DMD: variants seen among roughly 807,000 people sequenced by gnomAD.
DMD encodes the protein mutant dystrophin.
In DMD, 63 loss-of-function variants were observed where a neutral mutation model predicts 330.1. The observed-to-expected ratio is 0.19, with a 90% CI of 0.16 to 0.24. The LOEUF (loss-of-function observed/expected upper bound fraction) is 0.24, where lower values mean the gene tolerates loss of function less well. DMD is among the 10% of genes least tolerant of loss of function. The pLI, the probability that DMD is intolerant of heterozygous loss-of-function variation, is 1.00. For synonymous variants in DMD, 1,223 were observed against 959.8 expected, an observed-to-expected ratio of 1.27 and a Z score of -5.07; for missense variants, 3,344 against 2,684.1, an observed-to-expected ratio of 1.25 and a Z score of -5.43.
intron 16 of DMD, among the ~76,000 whole-genome samples, chrX:32,561,686 T>C (rs747651747): frequency 1.8e-5 from 2 of 110,999 alleles, no homozygotes; most frequent in East Asian, 2.9e-4. Flanking sequence ...AGCCCAACAT[T>C]CAAATTCAGG....
At chrX:32,578,570 G>A (rs1302117630) in intron 13 of DMD, among the ~76,000 whole-genome samples, 1 of 111,790 alleles carries the variant, frequency 8.9e-6, no homozygotes, top group Admixed American at 9.5e-5. Flanking sequence ...CCTTTGTTTG[G>A]TTGAGTTGCT....
chrX:32,696,544 A>G (rs1356005052), intron 9 of DMD, among the ~76,000 whole-genome samples: 1 of 112,207 alleles, frequency 8.9e-6, no homozygotes, highest in Non-Finnish European at 1.9e-5. Flanking sequence ...GCCTAGCAAG[A>G]TGTAAGTCCA....
intron 71 of DMD, among the ~76,000 whole-genome samples, chrX:31,176,557 CT>C (rs1346219110): frequency 9.0e-6 from 1 of 111,463 alleles, no homozygotes; most frequent in Non-Finnish European, 1.9e-5. Context: ...CTCGGTTAAA[CT>C]TATTTCCACA....
intron 42 of DMD, among the ~76,000 whole-genome samples, chrX:32,304,631 T>C (rs1341609115): frequency 4.5e-5 from 5 of 111,389 alleles, no homozygotes; most frequent in Non-Finnish European, 9.5e-5. Context: ...TAAGCATGAT[T>C]TAAACTACAG....
chrX:32,522,614 C>G (rs2046553783), intron 17 of DMD, among the ~76,000 whole-genome samples: 1 of 112,153 alleles, frequency 8.9e-6, no homozygotes, highest in Non-Finnish European at 1.9e-5. Context: ...GAATAAAGAA[C>G]AAAATTTCAA....
intron 57 of DMD, among the ~76,000 whole-genome samples, chrX:31,491,842 A>G (rs993453335): frequency 7.1e-5 from 8 of 112,472 alleles, no homozygotes; most frequent in African/African-American, 2.6e-4. Flanking sequence ...TTTTGCTACA[A>G]AATATTATCA....
intron 64 of DMD, among the ~76,000 whole-genome samples, chrX:31,219,273 C>G (rs191161984): frequency 2.2e-3 from 247 of 110,994 alleles, no homozygotes; most frequent in African/African-American, 7.9e-3. Context: ...CAGCTGTTCC[C>G]TCCCTACCCC....
chrX:33,165,010 T>C (rs1284519126), intron 1 of DMD, among the ~76,000 whole-genome samples: 1 of 109,962 alleles, frequency 9.1e-6, no homozygotes, highest in Non-Finnish European at 1.9e-5. Flanking sequence ...TATTAGGACA[T>C]TTCTAGAAGT....
At chrX:32,791,839 T>A in intron 7 of DMD, among the ~76,000 whole-genome samples, 1 of 111,887 alleles carries the variant, frequency 8.9e-6, no homozygotes, top group Non-Finnish European at 1.9e-5. Flanking sequence ...AGATGAAATC[T>A]TCCCAAGTCT....
intron 9 of DMD, among the ~76,000 whole-genome samples, chrX:32,656,969 C>A (rs2060619159): frequency 1.8e-5 from 2 of 109,136 alleles, no homozygotes; most frequent in South Asian, 7.7e-4. Flanking sequence ...TGTGTTTATA[C>A]ATATATACAT....
intron 51 of DMD, among the ~76,000 whole-genome samples, chrX:31,768,527 CTTTG>C (rs753772704): frequency 9.4e-6 from 1 of 106,740 alleles, no homozygotes; most frequent in Non-Finnish European, 1.9e-5. Context: ...TTCCTCCCTT[CTTTG>C]TTCTCTCCTT....
chrX:32,576,003 G>A (rs1008477823), intron 13 of DMD, among the ~76,000 whole-genome samples: 2 of 111,736 alleles, frequency 1.8e-5, no homozygotes, highest in African/African-American at 6.5e-5. Context: ...ATTTTAGTGG[G>A]AATACAAATC....
At chrX:32,805,121 G>T (rs775609125) in intron 7 of DMD, among the ~76,000 whole-genome samples, 2 of 111,670 alleles carry the variant, frequency 1.8e-5, no homozygotes, top group Admixed American at 1.9e-4. Flanking sequence ...TGAGTATGAC[G>T]AATTGACATA....
At chrX:31,314,309 A>T (rs2055787329) in intron 62 of DMD, among the ~76,000 whole-genome samples, 1 of 112,189 alleles carries the variant, frequency 8.9e-6, no homozygotes, top group Non-Finnish European at 1.9e-5. Flanking sequence ...TTTACAGAAA[A>T]CTCATGAACA....
chrX:31,950,614 G>A lies in DMD; in HGVS notation c.6614+17725C>T, dbSNP rs186440488. On this transcript the variant is annotated intron_variant, in intron 45 of 78. Coordinates refer to ENST00000357033, the MANE Select transcript of DMD (RefSeq NM_004006.3). ...AGTCTCCAATAATAATTGTTGAATT[G>A]TCTAGTTCTCCTTTGAATTCTGTCA... Among the ~76,000 whole-genome samples, 530 of 110,891 alleles carry A rather than the reference G, an allele frequency of 4.8e-3. 6 individuals are homozygous for A. Among genetic ancestry groups the A allele is most frequent in the African/African-American group, 0.017 (507 of 30,659 alleles).
intron 1 of DMD, among the ~76,000 whole-genome samples, chrX:33,310,265 T>C (rs1276857370): frequency 9.0e-6 from 1 of 111,589 alleles, no homozygotes; most frequent in African/African-American, 3.2e-5. Context: ...AGCTGCCTAA[T>C]GGTTTTGTAA....
At chrX:32,863,535 TATACACAC>T (rs1432355204) in intron 2 of DMD, among the ~76,000 whole-genome samples, 2 of 16,513 alleles carry the variant, frequency 1.2e-4, no homozygotes, top group Non-Finnish European at 1.7e-4. Context: ...AGATTGTGTT[TATACACAC>T]ACACACACAC....
intron 61 of DMD, among the ~76,000 whole-genome samples, chrX:31,345,783 T>G (rs2058048613): frequency 8.9e-6 from 1 of 111,850 alleles, no homozygotes; most frequent in Admixed American, 9.5e-5. Flanking sequence ...ATAAACTGCT[T>G]TAACTTATCC....
At chrX:33,095,189 C>T (rs1440769133) in intron 1 of DMD, among the ~76,000 whole-genome samples, 1 of 112,288 alleles carries the variant, frequency 8.9e-6, no homozygotes, top group Admixed American at 9.5e-5. Flanking sequence ...TAAACAAAAG[C>T]AAATGACTTG....
Sources: allele counts gnomAD v4.1 joint callset (sites outside exome capture counted in the v4.1 genomes callset), GRCh38; gene constraint gnomAD v4.1.1; transcripts MANE v1.5; gene names NCBI Gene and HGNC (gene_info 2026-07-23, HGNC 2026-07-21).